The following DUOX1 variants were observed in gnomAD, a reference collection of about 807,000 sequenced individuals.
The protein encoded by DUOX1 is NADPH thyroid oxidase 1.
DUOX1 carries 134 observed loss-of-function variants against 181.8 expected under a neutral mutation model. That is an observed-to-expected ratio of 0.74 (90% confidence interval 0.64 to 0.85). The LOEUF (loss-of-function observed/expected upper bound fraction) is 0.85, where lower values mean the gene tolerates loss of function less well. Among genes scored for constraint, DUOX1 ranks in the 40% least tolerant of loss-of-function variants. The probability of loss-of-function intolerance (pLI) is 0.00; values close to 1 mark genes in which losing one functional copy is unlikely to be tolerated. For missense variants in DUOX1, 1,814 were observed against 2,064.4 expected, an observed-to-expected ratio of 0.88 and a Z score of 2.35; for synonymous variants, 798 against 832.5, an observed-to-expected ratio of 0.96 and a Z score of 0.71.
rs527874684 is a variant in DUOX1, at chr15:45,152,285, G to C, written c.3194-1G>C. ...CTTGCCTGCCTGGGCCCCCTCCACA[G>C]ACTACGCCTTTGCCGCACATCACAC... On this transcript the variant is annotated splice_acceptor_variant, in intron 24 of 33. Transcript: ENST00000389037. LOFTEE classifies it high-confidence loss of function. 6.2e-7 allele frequency: 1 copy of C among 1,613,286 alleles called. No homozygotes were observed. Among genetic ancestry groups the C allele is most frequent in the Non-Finnish European group, 8.5e-7 (1 of 1,179,586 alleles).
intron 21 of DUOX1, 40 bp downstream of exon 21, chr15:45,148,487 G>T (rs1284030084): frequency 1.3e-6 from 2 of 1,574,562 alleles, no homozygotes; most frequent in Non-Finnish European, 1.7e-6. Context: ...CATTGGTTAG[G>T]CATAGTAGGC....
chr15:45,146,286 T>C (rs556833468), intron 18 of DUOX1, among the ~76,000 whole-genome samples: 12 of 152,260 alleles, frequency 7.9e-5, no homozygotes, highest in Non-Finnish European at 1.8e-4. Context: ...GAACAGACAT[T>C]TACTCTGTGC....
intron 10 of DUOX1, 104 bp from the exon 11 acceptor site, chr15:45,138,962 C>A: frequency 9.6e-7 from 1 of 1,040,950 alleles, no homozygotes; most frequent in Non-Finnish European, 1.4e-6. Context: ...AACAGCAGGA[C>A]TGGGTGGGCT....
chr15:45,155,943 G>C lies in DUOX1; in HGVS notation c.3702+14G>C, dbSNP rs1896960443. ...CTCTATGTCCTGGTGAGGGCTTTTGGCTGTGAGCCAGGCCAGGAGGGTATG... is the reference window on the plus strand; with the variant it reads ...CTCTATGTCCTGGTGAGGGCTTTTGCCTGTGAGCCAGGCCAGGAGGGTATG... On this transcript the variant is annotated intron_variant, in intron 28 of 33. Transcript: ENST00000389037. 1.9e-6 allele frequency: 3 copies of C among 1,613,992 alleles called. No individual in the cohort carries two copies. In the African/African-American group the frequency reaches 4.0e-5, roughly 22 times the overall value.
intron 17 of DUOX1, 49 bp from the exon 18 acceptor site, chr15:45,144,846 C>G: frequency 5.2e-6 from 8 of 1,551,970 alleles, no homozygotes; most frequent in Non-Finnish European, 6.9e-6. Flanking sequence ...ACTGCCTAAC[C>G]TCAAGAGGCC....
chr15:45,148,262 C>A lies in DUOX1; in HGVS notation c.2643-10C>A, dbSNP rs1896708075. 1.9e-6 allele frequency: 3 copies of A among 1,613,982 alleles called. No homozygotes were observed. In the East Asian group the frequency reaches 6.7e-5, roughly 36 times the overall value. On this transcript the variant is annotated splice_polypyrimidine_tract_variant and intron_variant, in intron 20 of 33. Transcript: ENST00000389037. ...GTCAGGGCCGGATGGTTCCTCTCCC[C>A]CAACCCCAGATCCTTCATCGAGATC...
At chr15:45,157,349 G>A (rs753269945) in intron 28 of DUOX1, among the ~76,000 whole-genome samples, 9 of 152,150 alleles carry the variant, frequency 5.9e-5, no homozygotes, top group Non-Finnish European at 1.2e-4. Context: ...GCTTCTGTTG[G>A]GGGTGGAAAT....
intron 7 of DUOX1, 96 bp from the exon 8 acceptor site, chr15:45,136,254 T>G: frequency 1.3e-6 from 2 of 1,579,074 alleles, no homozygotes; most frequent in Non-Finnish European, 1.7e-6. Context: ...CCCTGGCTGG[T>G]CCTCATCTCC....
intron 31 of DUOX1, 131 bp downstream of exon 31, chr15:45,162,508 T>A: frequency 8.2e-7 from 1 of 1,212,820 alleles, no homozygotes; most frequent in Non-Finnish European, 1.1e-6. Context: ...GTTTGAAACC[T>A]GGGGTTGGGT....
rs767537191 is a variant in DUOX1, at chr15:45,161,038, C to T, written c.3856+48C>T. On this transcript the variant is annotated intron_variant, in intron 29 of 33. Coordinates refer to ENST00000389037, the MANE Select transcript of DUOX1 (RefSeq NM_175940.3). Reference sequence around the variant, plus strand: ...GCTTGGTGACACTGAGGGAGCTGACCGGGCAGAGGCAGAGTCTAGACCGCA... The same window carrying T: ...GCTTGGTGACACTGAGGGAGCTGACTGGGCAGAGGCAGAGTCTAGACCGCA... 24 of 1,611,328 alleles carry T rather than the reference C, an allele frequency of 1.5e-5. No homozygotes were observed. In the Middle Eastern group the frequency reaches 5.4e-4, roughly 36 times the overall value.
intron 25 of DUOX1, chr15:45,153,155 A>G: frequency 2.2e-6 from 1 of 461,440 alleles, no homozygotes; most frequent in Non-Finnish European, 3.8e-6. Flanking sequence ...TGGGAGGCAG[A>G]GGTTGCAGTG....
rs199914519 is a variant in DUOX1, at chr15:45,144,074, G to A, written c.1975G>A (p.Val659Met). Reference protein sequence around the residue: ...WQGHKEPCRPVLVYLQPGQIR... With the variant: ...WQGHKEPCRPMLVYLQPGQIR... ...AGGCCACAAGGAGCCCTGCCGGCCC[G>A]TGCTTGTGTACCTGCAGCCCGGGCA... is the stretch of plus-strand genomic sequence containing the variant. The change falls in exon 17 of 34, where the codon GTG becomes ATG. Residue 659 changes from valine (V) to methionine (M), a missense_variant. Coordinates refer to ENST00000389037, the MANE Select transcript of DUOX1 (RefSeq NM_175940.3). 5.3e-5 allele frequency: 85 copies of A among 1,613,894 alleles called. No homozygotes were observed. In the Admixed American group the frequency reaches 5.3e-4, roughly 10 times the overall value.
chr15:45,150,469 T>A, intron 21 of DUOX1, 163 bp from the exon 22 acceptor site: 1 of 646,174 alleles, frequency 1.5e-6, no homozygotes, highest in Non-Finnish European at 2.7e-6. Flanking sequence ...CAGCTCCCAT[T>A]GGGGACAAGG....
chr15:45,133,990 G>C, intron 3 of DUOX1, 43 bp downstream of exon 3: 2 of 1,605,524 alleles, frequency 1.2e-6, no homozygotes, highest in African/African-American at 1.3e-5. Context: ...GGGCCAGGGG[G>C]GTACTGAGTG....
Position 45,147,411 on chromosome 15 carries a change from C to T in DUOX1, c.2323-22C>T, listed in dbSNP as rs116153032. 1,948 of 1,609,832 alleles carry T rather than the reference C, an allele frequency of 1.2e-3. 27 individuals are homozygous for T. In the African/African-American group the frequency reaches 0.023, roughly 19 times the overall value. ...AGGAAGCCTTGTCTCCTCTCCCTCC[C>T]TCTGCTTCTGCCCAAGTGCAGGTGC... On this transcript the variant is annotated intron_variant, in intron 18 of 33. Transcript: ENST00000389037.
intron 18 of DUOX1, among the ~76,000 whole-genome samples, chr15:45,145,419 T>A (rs543301922): frequency 2.0e-5 from 3 of 152,162 alleles, no homozygotes; most frequent in Non-Finnish European, 4.4e-5. Context: ...GTGGGCACCA[T>A]AAGGGATATT....
At chr15:45,150,563 G>A in intron 21 of DUOX1, 69 bp from the exon 22 acceptor site, 1 of 1,433,992 alleles carries the variant, frequency 7.0e-7, no homozygotes, top group Non-Finnish European at 9.8e-7. Flanking sequence ...TAGGAGTGCT[G>A]TGCGTTTGAG....
intron 4 of DUOX1, among the ~76,000 whole-genome samples, chr15:45,134,744 G>A (rs1896241990): frequency 6.6e-6 from 1 of 152,174 alleles, no homozygotes; most frequent in Admixed American, 6.5e-5. Flanking sequence ...AAGTGGGGGT[G>A]CTAGGATGGC....
intron 22 of DUOX1, 101 bp downstream of exon 22, chr15:45,150,802 C>A: frequency 8.7e-7 from 1 of 1,151,168 alleles, no homozygotes; most frequent in Non-Finnish European, 1.3e-6. Context: ...CATGCAGCAC[C>A]TTCAAACAAA....
Sources: allele counts gnomAD v4.1 joint callset (sites outside exome capture counted in the v4.1 genomes callset), GRCh38; gene constraint gnomAD v4.1.1; transcripts MANE v1.5; gene names NCBI Gene and HGNC (gene_info 2026-07-23, HGNC 2026-07-21).